Variants in ZNF469 observed in about 807,000 individuals in gnomAD.
ZNF469 encodes the protein zinc finger protein 469.
ZNF469 carries 1 observed loss-of-function variant against 1.0 expected under a neutral mutation model. That is an observed-to-expected ratio of 1.00 (90% CI 0.35 to 4.73). ZNF469 has a LOEUF of 4.73. Ranked by LOEUF, ZNF469 falls within the 30% of genes most tolerant of loss-of-function variation. The pLI is 0.16. For missense variants in ZNF469, 6,100 were observed against 5,356.3 expected (o/e 1.14, Z -4.33); for synonymous variants, 2,703 against 2,363.4 (o/e 1.14, Z -4.17).
At chr16:88,226,924 C>G in the ZNF469 span, among the ~76,000 whole-genome samples, 1 of 152,156 alleles carries the variant, frequency 6.6e-6, no homozygotes. Flanking sequence ...GTGTTCCACC[C>G]GGGAAGGATT....
the ZNF469 span, among the ~76,000 whole-genome samples, chr16:88,317,957 G>T: frequency 6.6e-6 from 1 of 152,244 alleles, no homozygotes; most frequent in African/African-American, 2.4e-5. Flanking sequence ...AGGTCCCCGT[G>T]CCTTGGCACT....
At chr16:88,342,710 G>A in the ZNF469 span, among the ~76,000 whole-genome samples, 2 of 152,204 alleles carry the variant, frequency 1.3e-5, no homozygotes, top group African/African-American at 4.8e-5. Flanking sequence ...CGGTGGGCCT[G>A]CTTCTTTTCA....
At chr16:88,173,741 C>T in the ZNF469 span, among the ~76,000 whole-genome samples, 2 of 152,138 alleles carry the variant, frequency 1.3e-5, no homozygotes, top group Non-Finnish European at 2.9e-5. Context: ...GATTCCTACA[C>T]TCTATGTGAA....
the ZNF469 span, among the ~76,000 whole-genome samples, chr16:88,106,659 G>A: frequency 2.6e-5 from 4 of 152,234 alleles, no homozygotes; most frequent in African/African-American, 4.8e-5. Flanking sequence ...TTTGCACCAC[G>A]TGAGCCAAGG....
At chr16:88,370,240 C>A in the ZNF469 span, among the ~76,000 whole-genome samples, 2 of 152,194 alleles carry the variant, frequency 1.3e-5, no homozygotes, top group South Asian at 4.1e-4. Flanking sequence ...TAAGAACAAG[C>A]CTTTTCAGCA....
At chr16:88,286,456 G>A in the ZNF469 span, among the ~76,000 whole-genome samples, 1 of 152,190 alleles carries the variant, frequency 6.6e-6, no homozygotes, top group Admixed American at 6.5e-5. Flanking sequence ...TGAACGCCGG[G>A]TATTTACACC....
chr16:88,197,139 A>G, the ZNF469 span, among the ~76,000 whole-genome samples: 1 of 152,328 alleles, frequency 6.6e-6, no homozygotes, highest in Non-Finnish European at 1.5e-5. Flanking sequence ...CATCACACCT[A>G]GGAAGCTGGC....
chr16:88,127,060 T>C, the ZNF469 span, among the ~76,000 whole-genome samples: 1 of 152,212 alleles, frequency 6.6e-6, no homozygotes, highest in Non-Finnish European at 1.5e-5. Flanking sequence ...TGACCTCAGG[T>C]GATCCGTCCG....
At chr16:88,305,577 C>A in the ZNF469 span, among the ~76,000 whole-genome samples, 1 of 150,006 alleles carries the variant, frequency 6.7e-6, no homozygotes, top group African/African-American at 2.5e-5. Context: ...CACACACGCT[C>A]ACAGGCACAC....
intron 1 of ZNF469, among the ~76,000 whole-genome samples, chr16:88,391,871 G>C (rs1192521824): frequency 2.0e-5 from 3 of 152,148 alleles, no homozygotes; most frequent in African/African-American, 7.2e-5. Context: ...CTCACCAATA[G>C]AAATAGCTAG....
At chr16:88,111,397 A>G in the ZNF469 span, among the ~76,000 whole-genome samples, 1 of 152,228 alleles carries the variant, frequency 6.6e-6, no homozygotes, top group African/African-American at 2.4e-5. Context: ...TGTTACAAAC[A>G]AGCCAGTGAT....
At chr16:88,418,674 G>T (rs1905369373) in intron 1 of ZNF469, among the ~76,000 whole-genome samples, 1 of 151,806 alleles carries the variant, frequency 6.6e-6, no homozygotes, top group Non-Finnish European at 1.5e-5. Flanking sequence ...CCATTCCCCA[G>T]CCCCTCCAAT....
At chr16:88,164,634 T>C in the ZNF469 span, among the ~76,000 whole-genome samples, 4 of 152,210 alleles carry the variant, frequency 2.6e-5, no homozygotes, top group Non-Finnish European at 5.9e-5. Flanking sequence ...TTCTGGTTCA[T>C]GACAGCACAG....
chr16:88,396,600 A>G (rs1375054154), intron 1 of ZNF469, among the ~76,000 whole-genome samples: 1 of 149,754 alleles, frequency 6.7e-6, no homozygotes, highest in Non-Finnish European at 1.5e-5. Context: ...GGCCGGGCGG[A>G]GACCCATCTG....
the ZNF469 span, among the ~76,000 whole-genome samples, chr16:88,232,248 G>GA: frequency 3.3e-5 from 5 of 152,342 alleles, no homozygotes; most frequent in East Asian, 9.6e-4. Flanking sequence ...AGGGCAGGAT[G>GA]AAAGGATTGC....
chr16:88,105,471 A>C, the ZNF469 span, among the ~76,000 whole-genome samples: 3 of 151,790 alleles, frequency 2.0e-5, no homozygotes, highest in Admixed American at 6.6e-5. Flanking sequence ...CGCCCAGCTA[A>C]TTTTCGTATT....
chr16:88,435,199 A>T lies in ZNF469; in HGVS notation c.7729A>T (p.Ser2577Cys), dbSNP rs1355882994. 2.6e-6 allele frequency: 4 copies of T among 1,550,218 alleles called. No individual in the cohort carries two copies. Among genetic ancestry groups the T allele is most frequent in the Non-Finnish European group, 3.5e-6 (4 of 1,146,984 alleles). Reference protein sequence around the residue: ...SPHSQQLHPPSPTEHEVDVKT... With the variant: ...SPHSQQLHPPCPTEHEVDVKT... ...ACACAGCCAGCAGCTGCACCCTCCA[A>T]GCCCTACTGAGCATGAGGTAGATGT... The change falls in exon 3 of 3, where the codon AGC becomes TGC. Residue 2577 changes from serine (S) to cysteine (C), a missense_variant. Transcript: ENST00000565624.
At chr16:88,290,534 A>G in the ZNF469 span, among the ~76,000 whole-genome samples, 2 of 152,230 alleles carry the variant, frequency 1.3e-5, no homozygotes, top group Non-Finnish European at 2.9e-5. Context: ...GGCATTCCTG[A>G]AAGTTCTATC....
At position 88,431,077 on chromosome 16, in the gene ZNF469, C is replaced by T. The variant is rs778085437; in HGVS notation, c.3607C>T (p.Leu1203=). The T allele has an allele frequency of 1.0e-5, 16 of 1,549,900 alleles. No individual in the cohort carries two copies. The highest frequency in any genetic ancestry group is 2.7e-5 in the African/African-American group (2 of 73,030). ...DRPSVAPKDP[L]QVPTNTETSE... ...CCCCTCAGTGGCCCCCAAGGATCCCCTGCAGGTCCCCACCAACACCGAGAC... is the reference window on the plus strand; with the variant it reads ...CCCCTCAGTGGCCCCCAAGGATCCCTTGCAGGTCCCCACCAACACCGAGAC... The change falls in exon 3 of 3, where the codon CTG becomes TTG. Residue 1203 remains leucine, a synonymous_variant. Coordinates refer to ENST00000565624, the MANE Select transcript of ZNF469 (RefSeq NM_001367624.2).
Sources: gnomAD v4.1 joint callset for allele counts (sites outside exome capture counted in the v4.1 genomes callset) on GRCh38, gnomAD v4.1.1 for gene constraint, MANE v1.5 for transcripts, NCBI Gene and HGNC (gene_info 2026-07-23, HGNC 2026-07-21) for gene names.